PTPRJ: variants seen among roughly 807,000 people sequenced by gnomAD.
PTPRJ encodes protein tyrosine phosphatase receptor type J.
PTPRJ carries 129 observed loss-of-function variants against 141.3 expected under a neutral mutation model. The ratio of observed to expected loss-of-function variants is 0.91; its 90% CI spans 0.79 to 1.06. PTPRJ has a LOEUF of 1.06. Ranked by LOEUF, PTPRJ falls within the 50% of genes least tolerant of loss-of-function variation. The pLI, the probability that PTPRJ is intolerant of heterozygous loss-of-function variation, is 0.00. For synonymous variants in PTPRJ, 610 were observed against 640.5 expected (o/e 0.95, Z 0.72); for missense variants, 1,601 against 1,679.7 (o/e 0.95, Z 0.82).
intron 1 of PTPRJ, among the ~76,000 whole-genome samples, chr11:48,060,095 G>A (rs1026790818): frequency 1.3e-5 from 2 of 152,086 alleles, no homozygotes; most frequent in African/African-American, 2.4e-5. Flanking sequence ...CTTGCTGTTC[G>A]GATTAACTGT....
intron 1 of PTPRJ, among the ~76,000 whole-genome samples, chr11:48,109,783 T>TG (rs1856392457): frequency 2.0e-5 from 3 of 150,810 alleles, no homozygotes; most frequent in Non-Finnish European, 4.4e-5. Flanking sequence ...GGGCTGGAGG[T>TG]GGGGGGATGT....
intron 8 of PTPRJ, among the ~76,000 whole-genome samples, chr11:48,133,495 T>C (rs1035193933): frequency 2.0e-5 from 3 of 152,186 alleles, no homozygotes; most frequent in Admixed American, 2.0e-4. Context: ...GGGGTTACCT[T>C]TCTATTATCA....
At chr11:48,038,376 C>G (rs931190269) in intron 1 of PTPRJ, among the ~76,000 whole-genome samples, 2 of 152,178 alleles carry the variant, frequency 1.3e-5, no homozygotes, top group South Asian at 4.1e-4. Flanking sequence ...ATCTGCGTTT[C>G]CCTCCCTTCA....
chr11:48,153,479 C>T (rs572638703), intron 18 of PTPRJ, among the ~76,000 whole-genome samples: 11 of 113,578 alleles, frequency 9.7e-5, no homozygotes, highest in Middle Eastern at 7.9e-3. Context: ...GGCGACAGAG[C>T]GAGACTCTGT....
At chr11:48,049,068 A>T (rs73464862) in intron 1 of PTPRJ, among the ~76,000 whole-genome samples, 6,906 of 152,160 alleles carry the variant, frequency 0.045, 524 homozygotes, top group African/African-American at 0.16. Flanking sequence ...TAGCTTTCCC[A>T]CTAGTAAGCT....
intron 19 of PTPRJ, among the ~76,000 whole-genome samples, chr11:48,154,245 T>C (rs1857550638): frequency 6.6e-6 from 1 of 152,216 alleles, no homozygotes; most frequent in Admixed American, 6.5e-5. Context: ...GAGTCTGTGT[T>C]CTTAACCCCT....
intron 10 of PTPRJ, 144 bp from the exon 11 acceptor site, chr11:48,139,342 G>T (rs1203383608): frequency 2.5e-6 from 2 of 787,916 alleles, no homozygotes; most frequent in Non-Finnish European, 4.0e-6. Flanking sequence ...ACAGTTTGGT[G>T]TTGCCCAATT....
intron 1 of PTPRJ, among the ~76,000 whole-genome samples, chr11:48,069,445 ATTTTT>A (rs35405916): frequency 1.6e-5 from 2 of 121,310 alleles, no homozygotes; most frequent in Non-Finnish European, 3.4e-5. Flanking sequence ...TACATTGATA[ATTTTT>A]TTTTTTTTTT....
At chr11:48,039,350 C>CA (rs988242248) in intron 1 of PTPRJ, among the ~76,000 whole-genome samples, 2 of 149,614 alleles carry the variant, frequency 1.3e-5, no homozygotes, top group African/African-American at 4.9e-5. Context: ...AAAAAAAAAA[C>CA]AACAAACTGC....
At chr11:48,007,891 G>A (rs1052126906) in intron 1 of PTPRJ, among the ~76,000 whole-genome samples, 9 of 152,216 alleles carry the variant, frequency 5.9e-5, no homozygotes, top group Non-Finnish European at 1.0e-4. Context: ...AAACCAAGGC[G>A]CAGAGAGGGG....
chr11:48,117,005 C>A (rs1479643140), intron 3 of PTPRJ, among the ~76,000 whole-genome samples: 1 of 152,172 alleles, frequency 6.6e-6, no homozygotes, highest in Non-Finnish European at 1.5e-5. Flanking sequence ...GATCTGTCCC[C>A]AGGTCACTTA....
intron 1 of PTPRJ, among the ~76,000 whole-genome samples, chr11:48,039,135 G>A: frequency 6.7e-6 from 1 of 148,640 alleles, no homozygotes; most frequent in East Asian, 2.0e-4. Context: ...GGGTGACAGA[G>A]CGAGAGTCTG....
intron 11 of PTPRJ, among the ~76,000 whole-genome samples, chr11:48,139,995 C>A (rs1409649847): frequency 6.6e-6 from 1 of 152,090 alleles, no homozygotes; most frequent in Non-Finnish European, 1.5e-5. Flanking sequence ...TAAAAGATTC[C>A]TTTTCTTTAC....
chr11:48,109,482 C>T (rs1215013372), intron 1 of PTPRJ, among the ~76,000 whole-genome samples: 1 of 152,096 alleles, frequency 6.6e-6, no homozygotes, highest in African/African-American at 2.4e-5. Context: ...TAATTCTTCC[C>T]AAAGCTGCTT....
rs575936495 is a variant in PTPRJ at position 48,067,428 on chromosome 11, G to C, written c.97-42630G>C. 2.1e-4 allele frequency among the ~76,000 whole-genome samples: 32 copies of C among 152,284 alleles called. 1 individual carries two copies. In the East Asian group the frequency reaches 5.0e-3, roughly 24 times the overall value. On this transcript the variant is annotated intron_variant, in intron 1 of 24. Coordinates refer to ENST00000418331, the MANE Select transcript of PTPRJ (RefSeq NM_002843.4). ...CTGGTAGGACCTGGAGATAGGATGT[G>C]CTTTCACTCTTTACAGACTATTGTC...
intron 1 of PTPRJ, among the ~76,000 whole-genome samples, chr11:47,992,140 A>G (rs935234376): frequency 1.6e-4 from 25 of 152,018 alleles, no homozygotes; most frequent in African/African-American, 5.8e-4. Context: ...TTTGCAGAAT[A>G]ATAATCATGT....
In PTPRJ at chr11:47,996,544, T is replaced by C. The variant is rs142821144; in HGVS notation, c.96+15536T>C. Among the ~76,000 whole-genome samples the C allele has an allele frequency of 5.3e-3, 807 of 152,256 alleles. 11 individuals carry two copies. Among genetic ancestry groups the C allele is most frequent in the African/African-American group, 0.017 (725 of 41,550 alleles). ...ATCTGTAGCAACAACCAGGCCATTT[T>C]GTTACTAGGTTTAAGTGAGGGAAGG... On this transcript the variant is annotated intron_variant, in intron 1 of 24. Coordinates refer to ENST00000418331, the MANE Select transcript of PTPRJ (RefSeq NM_002843.4).
intron 11 of PTPRJ, among the ~76,000 whole-genome samples, chr11:48,139,986 A>G (rs1857195138): frequency 6.6e-6 from 1 of 152,136 alleles, no homozygotes; most frequent in South Asian, 2.1e-4. Flanking sequence ...TTTACATTCT[A>G]AAAGATTCCT....
chr11:48,080,330 G>T (rs1484940760), intron 1 of PTPRJ, among the ~76,000 whole-genome samples: 2 of 152,174 alleles, frequency 1.3e-5, no homozygotes, highest in Non-Finnish European at 2.9e-5. Context: ...TTATCTGCAG[G>T]TTTAATCTTC....
Sources: allele counts gnomAD v4.1 joint callset (sites outside exome capture counted in the v4.1 genomes callset), GRCh38; gene constraint gnomAD v4.1.1; transcripts MANE v1.5; gene names NCBI Gene and HGNC (gene_info 2026-07-23, HGNC 2026-07-21).